RIMBP2: variants seen among roughly 807,000 people sequenced by gnomAD.
RIMBP2 encodes the protein RIMS-binding protein 2.
A neutral mutation model predicts 118.6 loss-of-function variants in RIMBP2; 48 were observed. That is an observed-to-expected ratio of 0.40 (90% CI 0.32 to 0.51). The LOEUF is 0.51. Among genes scored for constraint, RIMBP2 ranks in the 20% least tolerant of loss-of-function variants. The pLI is 0.41. For synonymous variants in RIMBP2, 762 were observed against 742.9 expected, an observed-to-expected ratio of 1.03 and a Z score of -0.42; for missense variants, 1,551 against 1,768.3, an observed-to-expected ratio of 0.88 and a Z score of 2.20.
rs11061070 is a variant in RIMBP2 at position 130,670,040 on chromosome 12, G to T, written c.-351-41584C>A. ...ATCCTGGATTATGCAGGTGGGCCCC[G>T]AATCCAATGACTGCTGTTTTTATAA... On this transcript the variant is annotated intron_variant, in intron 1 of 22. Transcript: ENST00000690449. This position sits in a 1 kb window ranked among gnomAD's most constrained non-coding sequence, Gnocchi z 4.9. Among the ~76,000 whole-genome samples the T allele has an allele frequency of 6.6e-6, 1 of 152,116 alleles. No homozygotes were observed. Among genetic ancestry groups the T allele is most frequent in the East Asian group, 1.9e-4 (1 of 5,184 alleles).
chr12:130,552,950 A>C (rs1007533470), intron 2 of RIMBP2, among the ~76,000 whole-genome samples: 1 of 152,142 alleles, frequency 6.6e-6, no homozygotes, highest in African/African-American at 2.4e-5. Flanking sequence ...CAGGAGATCG[A>C]GACTATCCTG....
rs573961176 is a variant in RIMBP2 at position 130,671,198 on chromosome 12, T to A, written c.-351-42742A>T. Among the ~76,000 whole-genome samples the A allele has an allele frequency of 6.6e-5, 10 of 151,660 alleles. No individual in the cohort carries two copies. In the East Asian group the frequency reaches 1.9e-3, roughly 29 times the overall value. Reference sequence around the variant, plus strand: ...TGTGACCTTGAGGGGGCAAAAAAAATAAGAGACCCCGGCCCTGATCCAATG... The same window carrying A: ...TGTGACCTTGAGGGGGCAAAAAAAAAAAGAGACCCCGGCCCTGATCCAATG... On this transcript the variant is annotated intron_variant, in intron 1 of 22. Coordinates refer to ENST00000690449, the MANE Select transcript of RIMBP2 (RefSeq NM_001393629.1).
chr12:130,478,125 C>A (rs2081603654), intron 5 of RIMBP2, among the ~76,000 whole-genome samples: 1 of 152,156 alleles, frequency 6.6e-6, no homozygotes, highest in Non-Finnish European at 1.5e-5. Context: ...TTTCTCAGTC[C>A]CCAGACCCAT....
At chr12:130,602,850 A>G (rs2059954132) in intron 2 of RIMBP2, among the ~76,000 whole-genome samples, 1 of 152,216 alleles carries the variant, frequency 6.6e-6, no homozygotes, top group African/African-American at 2.4e-5. Flanking sequence ...CAAAAATTGA[A>G]TTATGACAAT....
rs1171696128 is a variant in RIMBP2 at position 130,431,415 on chromosome 12, ACT to A, written c.2254-3080_2254-3079del. On this transcript the variant is annotated intron_variant, in intron 14 of 22. Coordinates refer to ENST00000690449, the MANE Select transcript of RIMBP2 (RefSeq NM_001393629.1). This position sits in a 1 kb window ranked among gnomAD's most constrained non-coding sequence, Gnocchi z 4.0. ...AGCTCAACTTCAGTCACTCCCTACC[ACT>A]GTCATGATGCGTCACCTAGCCAGAC... 2 of 408,806 alleles carry A rather than the reference ACT, an allele frequency of 4.9e-6. No individual in the cohort carries two copies. The highest frequency in any genetic ancestry group is 7.4e-5 in the East Asian group (1 of 13,512). The allele number at this position is 408,806 out of a possible 1,614,324, so 25.3% of individuals were successfully genotyped here.
At chr12:130,448,667 G>T in intron 9 of RIMBP2, among the ~76,000 whole-genome samples, 1 of 152,256 alleles carries the variant, frequency 6.6e-6, no homozygotes, top group East Asian at 1.9e-4. Context: ...GCGTCTGCAT[G>T]CAATAGCCTC....
At chr12:130,672,616 CCAGATTTTAA>C (rs2136460414) in intron 1 of RIMBP2, among the ~76,000 whole-genome samples, 1 of 152,290 alleles carries the variant, frequency 6.6e-6, no homozygotes, top group Admixed American at 6.5e-5. Flanking sequence ...AACCAGAACT[CCAGATTTTAA>C]CAGCAAAACC....
intron 19 of RIMBP2, among the ~76,000 whole-genome samples, chr12:130,409,579 A>G (rs985248383): frequency 1.3e-5 from 2 of 151,918 alleles, no homozygotes; most frequent in East Asian, 1.9e-4. Context: ...TCCTGACCTC[A>G]TGATCCGCCC....
chr12:130,547,762 G>T (rs750798560), intron 2 of RIMBP2, among the ~76,000 whole-genome samples: 3 of 152,306 alleles, frequency 2.0e-5, no homozygotes, highest in Admixed American at 2.0e-4. Flanking sequence ...AGCAAAGCAC[G>T]ATCACAGAAA....
chr12:130,584,492 ACATCACCACCATCACCT>A (rs1280671108), intron 2 of RIMBP2, among the ~76,000 whole-genome samples: 56 of 118,088 alleles, frequency 4.7e-4, no homozygotes, highest in South Asian at 2.6e-3. Flanking sequence ...CACCACCATC[ACATCACCACCATCACCT>A]CATCACCACC....
intron 1 of RIMBP2, among the ~76,000 whole-genome samples, chr12:130,642,143 G>A (rs2062650643): frequency 6.6e-6 from 1 of 152,136 alleles, no homozygotes; most frequent in African/African-American, 2.4e-5. Flanking sequence ...TGGTACTCAG[G>A]GCTCAGGGGA....
rs1566310398 is a variant in RIMBP2 at position 130,584,706 on chromosome 12, C to CAACCATTACATCATCACTATCAG, written c.-217+43615_-217+43616insCTGATAGTGATGATGTAATGGTT. ...CACAACCATTACATCATCACTATCA[C>CAACCATTACATCATCACTATCAG]AACCATTACATCATCACTATCACAA... is the stretch of plus-strand genomic sequence containing the variant. On this transcript the variant is annotated intron_variant, in intron 2 of 22. Coordinates refer to ENST00000690449, the MANE Select transcript of RIMBP2 (RefSeq NM_001393629.1). 5.4e-3 allele frequency among the ~76,000 whole-genome samples: 817 copies of CAACCATTACATCATCACTATCAG among 152,112 alleles called. 15 individuals carry two copies. Among genetic ancestry groups the CAACCATTACATCATCACTATCAG allele is most frequent in the African/African-American group, 0.019 (779 of 41,370 alleles).
At chr12:130,572,739 G>A (rs540378322) in intron 2 of RIMBP2, among the ~76,000 whole-genome samples, 15 of 152,118 alleles carry the variant, frequency 9.9e-5, no homozygotes, top group African/African-American at 3.6e-4. Context: ...GTTTCTCGGT[G>A]GAGAAGGGGC....
chr12:130,596,266 G>A (rs766490760), intron 2 of RIMBP2, among the ~76,000 whole-genome samples: 2 of 152,142 alleles, frequency 1.3e-5, no homozygotes, highest in Non-Finnish European at 2.9e-5. Context: ...TGATAATGCC[G>A]ACAGCCTGCG....
intron 1 of RIMBP2, among the ~76,000 whole-genome samples, chr12:130,692,900 A>ATAGGGTAGGG (rs2065389541): frequency 6.9e-6 from 1 of 145,374 alleles, no homozygotes; most frequent in Non-Finnish European, 1.5e-5. Flanking sequence ...GTAGGATAGG[A>ATAGGGTAGGG]TAGGGTAGGG....
At chr12:130,445,661 A>G (rs2078462743) in intron 9 of RIMBP2, among the ~76,000 whole-genome samples, 1 of 152,240 alleles carries the variant, frequency 6.6e-6, no homozygotes, top group Admixed American at 6.5e-5. Flanking sequence ...AGAATCATAT[A>G]TACTATTTAG....
In RIMBP2 at chr12:130,674,244, G is replaced by A. The variant is rs569508513; in HGVS notation, c.-352+41978C>T. 1.6e-4 allele frequency among the ~76,000 whole-genome samples: 25 copies of A among 152,170 alleles called. No individual in the cohort carries two copies. The South Asian group carries it at 1.7e-3, about 10-fold the overall frequency. On this transcript the variant is annotated intron_variant, in intron 1 of 22. Coordinates refer to ENST00000690449, the MANE Select transcript of RIMBP2 (RefSeq NM_001393629.1). Reference sequence around the variant, plus strand: ...CTCCAGCCATGTAAGACATGCCTGCGTCCCCTTCGCCTTCCGCCACGATAA... The same window carrying A: ...CTCCAGCCATGTAAGACATGCCTGCATCCCCTTCGCCTTCCGCCACGATAA...
chr12:130,580,106 G>A (rs986546027), intron 2 of RIMBP2, among the ~76,000 whole-genome samples: 3 of 151,488 alleles, frequency 2.0e-5, no homozygotes, highest in African/African-American at 4.8e-5. Flanking sequence ...GCTGAGGCAG[G>A]AGAATCACTT....
At chr12:130,479,559 G>A (rs1159591471) in intron 4 of RIMBP2, among the ~76,000 whole-genome samples, 1 of 152,044 alleles carries the variant, frequency 6.6e-6, no homozygotes, top group African/African-American at 2.4e-5. Context: ...GGAAGTGGAC[G>A]CCTGTTCAGA....
Sources: gnomAD v4.1 joint callset for allele counts (sites outside exome capture counted in the v4.1 genomes callset) on GRCh38, gnomAD v4.1.1 for gene constraint, Gnocchi (gnomAD v3.1) non-coding constraint, MANE v1.5 for transcripts, NCBI Gene and HGNC (gene_info 2026-07-23, HGNC 2026-07-21) for gene names.